Variants in ITGBL1 observed in about 807,000 individuals in gnomAD.
The protein encoded by ITGBL1 is integrin subunit beta like 1, also known as integrin beta-like protein 1.
ITGBL1 carries 51 observed loss-of-function variants against 68.5 expected under a neutral mutation model. The ratio of observed to expected loss-of-function variants is 0.74; its 90% CI spans 0.59 to 0.94. ITGBL1 has a LOEUF of 0.94. Among genes scored for constraint, ITGBL1 ranks in the 40% least tolerant of loss-of-function variants. The pLI, the probability that ITGBL1 is intolerant of heterozygous loss-of-function variation, is 0.00. For synonymous variants in ITGBL1, 209 were observed against 227.3 expected (o/e 0.92, Z 0.72); for missense variants, 649 against 647.4 (o/e 1.00, Z -0.03).
At chr13:101,659,187 G>A (rs2033017772) in intron 7 of ITGBL1, among the ~76,000 whole-genome samples, 1 of 150,992 alleles carries the variant, frequency 6.6e-6, no homozygotes, top group African/African-American at 2.4e-5. Context: ...AGCCTCCAGA[G>A]TCTACTTAAA....
intron 6 of ITGBL1, among the ~76,000 whole-genome samples, chr13:101,593,131 G>A (rs574076039): frequency 6.6e-5 from 10 of 152,124 alleles, no homozygotes; most frequent in African/African-American, 2.4e-4. Flanking sequence ...ACATTCAGAT[G>A]TCCAACAGGT....
chr13:101,481,711 T>C (rs1351665121), intron 2 of ITGBL1, among the ~76,000 whole-genome samples: 3 of 152,308 alleles, frequency 2.0e-5, no homozygotes, highest in African/African-American at 7.2e-5. Flanking sequence ...AATTCATTCA[T>C]TGTTCTCTCT....
chr13:101,648,683 G>A (rs1447165585), intron 7 of ITGBL1, among the ~76,000 whole-genome samples: 1 of 151,996 alleles, frequency 6.6e-6, no homozygotes, highest in Non-Finnish European at 1.5e-5. Flanking sequence ...AAAGTTCATA[G>A]AAAATAAGAA....
At chr13:101,611,937 T>C (rs759048228) in intron 7 of ITGBL1, among the ~76,000 whole-genome samples, 2 of 152,222 alleles carry the variant, frequency 1.3e-5, no homozygotes, top group Non-Finnish European at 2.9e-5. Flanking sequence ...ATGAGAATCA[T>C]GTGACTAACC....
At chr13:101,660,340 T>C (rs1407326690) in intron 7 of ITGBL1, among the ~76,000 whole-genome samples, 2 of 152,044 alleles carry the variant, frequency 1.3e-5, no homozygotes, top group Non-Finnish European at 2.9e-5. Context: ...GTTCTCTTGC[T>C]CTAAGCCAGT....
intron 2 of ITGBL1, among the ~76,000 whole-genome samples, chr13:101,540,278 C>T (rs963015773): frequency 6.6e-5 from 10 of 152,148 alleles, no homozygotes; most frequent in African/African-American, 2.4e-4. Flanking sequence ...TATGGCTAGC[C>T]AGTTTTCCCA....
intron 7 of ITGBL1, among the ~76,000 whole-genome samples, chr13:101,685,419 T>G (rs1162179894): frequency 6.6e-6 from 1 of 152,096 alleles, no homozygotes; most frequent in African/African-American, 2.4e-5. Context: ...TTTTATTCCT[T>G]TAAATGCATT....
At chr13:101,617,553 T>G (rs954904294) in intron 7 of ITGBL1, among the ~76,000 whole-genome samples, 64 of 152,278 alleles carry the variant, frequency 4.2e-4, no homozygotes, top group African/African-American at 1.3e-3. Flanking sequence ...GAGAAATAAT[T>G]TTAATTTCTA....
At chr13:101,608,021 T>C (rs2030951735) in intron 7 of ITGBL1, among the ~76,000 whole-genome samples, 1 of 152,104 alleles carries the variant, frequency 6.6e-6, no homozygotes, top group Admixed American at 6.6e-5. Context: ...TTCTATGCGG[T>C]ATTGCATATG....
intron 10 of ITGBL1, 25 bp from the exon 11 acceptor site, chr13:101,715,532 AATCATG>A (rs754461644): frequency 2.7e-6 from 4 of 1,469,066 alleles, no homozygotes; most frequent in Non-Finnish European, 3.8e-6. Flanking sequence ...TTTTGATCAT[AATCATG>A]ATACCTATAT....
At chr13:101,564,358 A>AGT (rs2050147401) in intron 2 of ITGBL1, among the ~76,000 whole-genome samples, 1 of 151,928 alleles carries the variant, frequency 6.6e-6, no homozygotes, top group Admixed American at 6.6e-5. Context: ...AACTTGATAA[A>AGT]TTGGATTTAA....
At chr13:101,474,353 G>T (rs971737014) in intron 2 of ITGBL1, among the ~76,000 whole-genome samples, 1 of 152,088 alleles carries the variant, frequency 6.6e-6, no homozygotes, top group Non-Finnish European at 1.5e-5. Flanking sequence ...GAGAGGGAAG[G>T]GTGGGAAGAA....
In ITGBL1 at chr13:101,706,825, C is replaced by T. The variant is rs62637619; in HGVS notation, c.1202C>T (p.Pro401Leu). ...TGGTTTGGAAAGCTCTGCCAACATC[C>T]GCGGAAGTGTAACATGACGGAAGAA... ...RGWFGKLCQH[P>L]RKCNMTEEQS... Residue 401 changes from proline (P) to leucine (L), a missense_variant, in exon 9 of 11, where the codon CCG becomes CTG. Pro to Leu is a moderately conservative substitution (Grantham distance 98). Transcript: ENST00000376180. The T allele has an allele frequency of 3.1e-3, 5,006 of 1,614,098 alleles. 138 individuals are homozygous for T. In the African/African-American group the frequency reaches 0.057, roughly 18 times the overall value.
intron 6 of ITGBL1, 86 bp from the exon 7 acceptor site, chr13:101,598,067 T>G (rs1470754026): frequency 8.0e-7 from 1 of 1,242,972 alleles, no homozygotes; most frequent in African/African-American, 1.5e-5. Flanking sequence ...CTGACTCATT[T>G]GTGACATTTG....
chr13:101,648,914 A>G (rs2032655590), intron 7 of ITGBL1, among the ~76,000 whole-genome samples: 1 of 152,116 alleles, frequency 6.6e-6, no homozygotes, highest in South Asian at 2.1e-4. Context: ...ACTTTATGAC[A>G]ATTCATTGAG....
chr13:101,478,240 ATCATT>A (rs2048565316), intron 2 of ITGBL1, among the ~76,000 whole-genome samples: 1 of 151,772 alleles, frequency 6.6e-6, no homozygotes, highest in African/African-American at 2.4e-5. Flanking sequence ...AAGCCATATG[ATCATT>A]TCAGTTGATA....
At chr13:101,531,241 CA>C (rs1304837336) in intron 2 of ITGBL1, among the ~76,000 whole-genome samples, 2 of 152,062 alleles carry the variant, frequency 1.3e-5, no homozygotes, top group East Asian at 3.8e-4. Flanking sequence ...TTATGGAATA[CA>C]AAAAAGTAAA....
intron 7 of ITGBL1, among the ~76,000 whole-genome samples, chr13:101,609,304 C>G (rs1406209399): frequency 1.3e-5 from 2 of 152,060 alleles, no homozygotes; most frequent in South Asian, 2.1e-4. Context: ...CTTCTGGTAT[C>G]CTTTATCTAT....
Position 101,654,297 on chromosome 13 carries a change from G to A in ITGBL1, c.1016-38288G>A, listed in dbSNP as rs550508287. On this transcript the variant is annotated intron_variant, in intron 7 of 10. Coordinates refer to ENST00000376180, the MANE Select transcript of ITGBL1 (RefSeq NM_004791.3). ...AGGCCCTTGGAAGATTTTTAGAAGGGGAAGGTGACATACTTTTCTTTCCTT... is the reference window on the plus strand; with the variant it reads ...AGGCCCTTGGAAGATTTTTAGAAGGAGAAGGTGACATACTTTTCTTTCCTT... Among the ~76,000 whole-genome samples, 3 of 152,192 alleles carry A rather than the reference G, an allele frequency of 2.0e-5. No homozygotes were observed. In the South Asian group the frequency reaches 6.2e-4, roughly 32 times the overall value.
Sources: allele counts gnomAD v4.1 joint callset (sites outside exome capture counted in the v4.1 genomes callset), GRCh38; gene constraint gnomAD v4.1.1; transcripts MANE v1.5; gene names NCBI Gene and HGNC (gene_info 2026-07-23, HGNC 2026-07-21).